SLMAP: variants seen among roughly 807,000 people sequenced by gnomAD.
SLMAP encodes the protein sarcolemmal membrane-associated protein.
A neutral mutation model predicts 128.8 loss-of-function variants in SLMAP; 44 were observed. The ratio of observed to expected loss-of-function variants is 0.34; its 90% confidence interval spans 0.27 to 0.44. The LOEUF (loss-of-function observed/expected upper bound fraction) is 0.44, where lower values mean the gene tolerates loss of function less well. Ranked by LOEUF, SLMAP falls within the 20% of genes least tolerant of loss-of-function variation. SLMAP has a pLI of 1.00. For synonymous variants in SLMAP, 327 were observed against 348.8 expected (o/e 0.94, Z 0.70); for missense variants, 787 against 985.3 (o/e 0.80, Z 2.69).
chr3:57,890,795 T>G (rs989747703), intron 15 of SLMAP: 1 of 152,224 alleles, frequency 6.6e-6, no homozygotes, highest in Non-Finnish European at 1.5e-5. Flanking sequence ...CAGTATAAAA[T>G]TTAAAACTAG....
At chr3:57,830,822 A>G (rs1205879208) in intron 2 of SLMAP, among the ~76,000 whole-genome samples, 3 of 152,250 alleles carry the variant, frequency 2.0e-5, no homozygotes, top group Admixed American at 2.0e-4. Context: ...ATGAATCATT[A>G]TAATACATCA....
At position 57,925,893 on chromosome 3, in the gene SLMAP, G is replaced by A; in HGVS notation, c.2494G>A (p.Ala832Thr). The change falls in exon 24 of 25, where the codon GCT becomes ACT. Residue 832 changes from alanine to threonine, a missense_variant. Coordinates refer to ENST00000671191, the MANE Select transcript of SLMAP (RefSeq NM_001377540.1). ...AGCCGTATTCATCGGCCTATTCCTG[G>A]CTTTCCTGTTTTGGTGTTTCGGTCC... ...VPAVFIGLFL[A>T]FLFWCFGPLW 6.4e-7 allele frequency: 1 copy of A among 1,551,096 alleles called. No homozygotes were observed.
rs35541333 is a variant in SLMAP, at chr3:57,885,771, C to CTTTTTTTTTTTTTTT, written c.1301-4254_1301-4240dup. Among the ~76,000 whole-genome samples, 30 of 53,580 alleles carry CTTTTTTTTTTTTTTT rather than the reference C, an allele frequency of 5.6e-4. 8 individuals are homozygous for CTTTTTTTTTTTTTTT. Among genetic ancestry groups the CTTTTTTTTTTTTTTT allele is most frequent in the Non-Finnish European group, 8.6e-4 (26 of 30,196 alleles). 35.2% of individuals were successfully genotyped at this position (53,580 alleles called of 152,430 possible). ...TTGTTTTGCTTTTCGGTTTTTGGTT[C>CTTTTTTTTTTTTTTT]TTTTTTTTTTTTTTTTTTTTTTTTT... On this transcript the variant is annotated intron_variant, in intron 14 of 24. Transcript: ENST00000671191.
intron 2 of SLMAP, among the ~76,000 whole-genome samples, chr3:57,787,014 G>A (rs777004872): frequency 6.6e-6 from 1 of 152,156 alleles, no homozygotes; most frequent in Non-Finnish European, 1.5e-5. Context: ...GGGATTACAG[G>A]CGTGAGCCAC....
chr3:57,875,192 A>C (rs1008625614), intron 14 of SLMAP, among the ~76,000 whole-genome samples: 2 of 152,216 alleles, frequency 1.3e-5, no homozygotes, highest in Non-Finnish European at 2.9e-5. Flanking sequence ...AAATCAAAAT[A>C]TAAAATCCCA....
chr3:57,927,151 C>A, intron 24 of SLMAP, 145 bp from the exon 25 acceptor site: 1 of 415,328 alleles, frequency 2.4e-6, no homozygotes, highest in East Asian at 3.7e-5. Context: ...TTTTTTTTTT[C>A]TTTTCAAACT....
chr3:57,878,757 A>G (rs2095659712), intron 14 of SLMAP, among the ~76,000 whole-genome samples: 1 of 152,240 alleles, frequency 6.6e-6, no homozygotes, highest in Non-Finnish European at 1.5e-5. Flanking sequence ...ACCAGTATGC[A>G]TGCTATTTAA....
At chr3:57,848,661 T>C (rs2094385071) in intron 5 of SLMAP, among the ~76,000 whole-genome samples, 1 of 149,848 alleles carries the variant, frequency 6.7e-6, no homozygotes, top group African/African-American at 2.5e-5. Flanking sequence ...TCCTCCTTCC[T>C]TCTTCTTTTT....
chr3:57,884,815 A>G (rs935792014), intron 14 of SLMAP, among the ~76,000 whole-genome samples: 3 of 152,150 alleles, frequency 2.0e-5, no homozygotes, highest in African/African-American at 7.2e-5. Flanking sequence ...TCTCAAAAAA[A>G]AATAAAATAA....
chr3:57,916,788 T>G, intron 21 of SLMAP, 118 bp from the exon 22 acceptor site: 4 of 744,142 alleles, frequency 5.4e-6, no homozygotes, highest in Non-Finnish European at 8.6e-6. Flanking sequence ...TTTTTATACT[T>G]TTCTTTTTTT....
At chr3:57,790,124 A>G (rs902645599) in intron 2 of SLMAP, among the ~76,000 whole-genome samples, 3 of 152,244 alleles carry the variant, frequency 2.0e-5, no homozygotes, top group African/African-American at 7.2e-5. Flanking sequence ...GGCATGAGCC[A>G]CCATGCCCAG....
intron 13 of SLMAP, among the ~76,000 whole-genome samples, chr3:57,868,823 A>AT (rs2095380723): frequency 7.6e-6 from 1 of 132,304 alleles, no homozygotes; most frequent in Admixed American, 8.2e-5. Context: ...TATATATATA[A>AT]AATATATATA....
chr3:57,907,314 A>G (rs1431676355), intron 17 of SLMAP, among the ~76,000 whole-genome samples: 2 of 152,256 alleles, frequency 1.3e-5, no homozygotes, highest in East Asian at 1.9e-4. Flanking sequence ...GGCATGAGCC[A>G]CCACGCCCAG....
intron 2 of SLMAP, chr3:57,800,839 G>A: frequency 6.0e-6 from 1 of 167,516 alleles, no homozygotes; most frequent in Non-Finnish European, 1.3e-5. Context: ...TATATTGTAG[G>A]CCTCAAATAT....
Position 57,903,506 on chromosome 3 carries a change from A to G in SLMAP, c.1502-4378A>G, listed in dbSNP as rs922650253. Among the ~76,000 whole-genome samples the G allele has an allele frequency of 2.0e-5, 3 of 152,354 alleles. No homozygotes were observed. In the South Asian group the frequency reaches 6.2e-4, roughly 32 times the overall value. On this transcript the variant is annotated intron_variant, in intron 17 of 24. Coordinates refer to ENST00000671191, the MANE Select transcript of SLMAP (RefSeq NM_001377540.1). ...GATTTGGCCCTTTACCAAGTGGATC[A>G]GTGTGTCAGAGTTCAGTTGAGCAAA...
At chr3:57,889,938 T>C in intron 14 of SLMAP, 103 bp from the exon 15 acceptor site, 1 of 773,480 alleles carries the variant, frequency 1.3e-6, no homozygotes, top group Non-Finnish European at 2.3e-6. Flanking sequence ...ATAGGAGTAA[T>C]GTTATCATCT....
chr3:57,841,723 T>A (rs541372046), intron 4 of SLMAP, among the ~76,000 whole-genome samples: 1 of 152,276 alleles, frequency 6.6e-6, no homozygotes, highest in East Asian at 1.9e-4. Context: ...ATAGGACTTC[T>A]TAAACTGTGA....
intron 2 of SLMAP, among the ~76,000 whole-genome samples, chr3:57,806,628 C>G (rs1212285283): frequency 6.6e-6 from 1 of 151,864 alleles, no homozygotes. Flanking sequence ...TTAGTAGAGA[C>G]AGGGTTTCAC....
At chr3:57,926,566 A>G (rs979774379) in intron 24 of SLMAP, among the ~76,000 whole-genome samples, 6 of 152,228 alleles carry the variant, frequency 3.9e-5, no homozygotes, top group Admixed American at 6.5e-5. Context: ...TCTCAATAAC[A>G]CTTCTGGAAT....
Sources: gnomAD v4.1 joint callset for allele counts (sites outside exome capture counted in the v4.1 genomes callset) on GRCh38, gnomAD v4.1.1 for gene constraint, MANE v1.5 for transcripts, NCBI Gene and HGNC (gene_info 2026-07-23, HGNC 2026-07-21) for gene names.